OTOA: variants seen among roughly 807,000 people sequenced by gnomAD.
OTOA encodes otoancorin.
In OTOA, 70 loss-of-function variants were observed where a neutral mutation model predicts 110.8. That is an observed-to-expected ratio of 0.63 (90% CI 0.52 to 0.77). OTOA has a LOEUF of 0.77. Among genes scored for constraint, OTOA ranks in the 30% least tolerant of loss-of-function variants. The pLI is 0.00. For synonymous variants in OTOA, 373 were observed against 431.5 expected (o/e 0.86, Z 1.68); for missense variants, 917 against 1,075.8 (o/e 0.85, Z 2.06).
At chr16:21,681,944 A>G (rs1287582585) in intron 6 of OTOA, 119 bp downstream of exon 6, 12 of 924,212 alleles carry the variant, frequency 1.3e-5, no homozygotes, top group Non-Finnish European at 1.9e-5. Flanking sequence ...TTCTGCAAGG[A>G]AAAGGGTTCT....
chr16:21,682,186 C>A (rs997594906), intron 6 of OTOA, among the ~76,000 whole-genome samples: 6 of 152,150 alleles, frequency 3.9e-5, no homozygotes, highest in African/African-American at 1.4e-4. Flanking sequence ...TCCAAGGACC[C>A]AGGTTCCTTT....
chr16:21,695,382 A>G (rs1246449279), intron 9 of OTOA, among the ~76,000 whole-genome samples: 2 of 152,114 alleles, frequency 1.3e-5, no homozygotes, highest in African/African-American at 4.8e-5. Flanking sequence ...GAAGAAAAAA[A>G]AAAATCCCAA....
In OTOA at chr16:21,747,422, T is replaced by C. The variant is rs1240777778; in HGVS notation, c.2775+2386T>C. 336 of 104,608 alleles carry C rather than the reference T, an allele frequency of 3.2e-3. No individual in the cohort carries two copies. In the East Asian group the frequency reaches 0.062, roughly 19 times the overall value. 6.5% of individuals were successfully genotyped at this position (104,608 alleles called of 1,614,324 possible). ...TTGAAGAGGATATGAAAACCTAACATTTGCATGTATCATTTGTAGTCAGTT... is the reference window on the plus strand; with the variant it reads ...TTGAAGAGGATATGAAAACCTAACACTTGCATGTATCATTTGTAGTCAGTT... On this transcript the variant is annotated intron_variant, in intron 24 of 28. Coordinates refer to ENST00000646100, the MANE Select transcript of OTOA (RefSeq NM_144672.4).
At chr16:21,699,645 G>A (rs1036683875) in intron 10 of OTOA, among the ~76,000 whole-genome samples, 3 of 152,106 alleles carry the variant, frequency 2.0e-5, no homozygotes, top group South Asian at 2.1e-4. Flanking sequence ...TTGGCCGGGC[G>A]CAGTGGCTCA....
At chr16:21,698,535 TTTCTTC>T (rs760427431) in intron 10 of OTOA, among the ~76,000 whole-genome samples, 1 of 151,962 alleles carries the variant, frequency 6.6e-6, no homozygotes, top group Non-Finnish European at 1.5e-5. Flanking sequence ...GCTTCCAATT[TTTCTTC>T]TTCTTCTTCT....
intron 8 of OTOA, among the ~76,000 whole-genome samples, chr16:21,688,407 A>G (rs1377498805): frequency 6.6e-6 from 1 of 151,872 alleles, no homozygotes; most frequent in Admixed American, 6.6e-5. Context: ...AAACAAACAA[A>G]CAAAAAACAA....
intron 11 of OTOA, 43 bp downstream of exon 11, chr16:21,701,070 G>A: frequency 6.2e-7 from 1 of 1,613,476 alleles, no homozygotes; most frequent in Non-Finnish European, 8.5e-7. Flanking sequence ...TTCCCAAGAT[G>A]TGATCTAAGC....
intron 11 of OTOA, among the ~76,000 whole-genome samples, chr16:21,703,896 C>T (rs1472214441): frequency 6.6e-6 from 1 of 152,144 alleles, no homozygotes; most frequent in African/African-American, 2.4e-5. Flanking sequence ...CTTTCTTTCA[C>T]TCATGTTTAT....
intron 12 of OTOA, among the ~76,000 whole-genome samples, chr16:21,707,464 A>AT (rs1406697384): frequency 2.6e-5 from 4 of 151,648 alleles, no homozygotes; most frequent in Admixed American, 2.6e-4. Flanking sequence ...GTGGAAGACA[A>AT]TTTTTTTCCG....
intron 1 of OTOA, among the ~76,000 whole-genome samples, chr16:21,676,866 A>G (rs1966859049): frequency 6.6e-6 from 1 of 152,160 alleles, no homozygotes; most frequent in African/African-American, 2.4e-5. Context: ...AGGAGCAATT[A>G]TAGAGCTCAG....
In OTOA at chr16:21,697,893, A is replaced by C; in HGVS notation, c.840+18A>C. 6.3e-7 allele frequency: 1 copy of C among 1,582,648 alleles called. No homozygotes were observed. Among genetic ancestry groups the C allele is most frequent in the Non-Finnish European group, 8.7e-7 (1 of 1,151,516 alleles). On this transcript the variant is annotated intron_variant, in intron 10 of 28. Transcript: ENST00000646100. Reference sequence around the variant, plus strand: ...CTATAGAAGTAAGTTGGAAAAGTACATTTATATGTCACCATTACTAATACA... The same window carrying C: ...CTATAGAAGTAAGTTGGAAAAGTACCTTTATATGTCACCATTACTAATACA...
At chr16:21,729,608 A>G (rs566607756) in intron 20 of OTOA, 1 of 152,304 alleles carries the variant, frequency 6.6e-6, no homozygotes, top group African/African-American at 2.4e-5. Context: ...TGTATTCACC[A>G]TTATAGTATC....
chr16:21,684,355 G>A lies in OTOA; in HGVS notation c.268-875G>A, dbSNP rs543250192. The stretch of plus-strand genomic sequence containing the variant: ...TTAGAGAACAATTCCCCAGACAGCA[G>A]AGGAAATCTCTTTCAGGAGAGGCTG... On this transcript the variant is annotated intron_variant, in intron 6 of 28. Coordinates refer to ENST00000646100, the MANE Select transcript of OTOA (RefSeq NM_144672.4). 6.4e-6 allele frequency: 9 copies of A among 1,398,296 alleles called. No individual in the cohort carries two copies. In the African/African-American group the frequency reaches 8.6e-5, roughly 13 times the overall value. 86.6% of individuals were successfully genotyped at this position (1,398,296 alleles called of 1,614,324 possible).
chr16:21,702,108 C>G (rs576472787), intron 11 of OTOA, among the ~76,000 whole-genome samples: 1 of 152,122 alleles, frequency 6.6e-6, no homozygotes, highest in African/African-American at 2.4e-5. Context: ...TGCCACCACA[C>G]CCAGCTAATT....
chr16:21,711,842 G>A (rs1014920268), intron 13 of OTOA, among the ~76,000 whole-genome samples: 2 of 152,086 alleles, frequency 1.3e-5, no homozygotes, highest in African/African-American at 4.8e-5. Flanking sequence ...GATTGGATTA[G>A]GACCCATTCC....
intron 11 of OTOA, among the ~76,000 whole-genome samples, chr16:21,701,942 A>AAT (rs1898061699): frequency 7.9e-6 from 1 of 126,442 alleles, no homozygotes; most frequent in African/African-American, 3.1e-5. Flanking sequence ...TGGCCCATTC[A>AAT]ATCCTGTTTT....
Position 21,687,667 on chromosome 16 carries a change from CTTTT to C in OTOA, c.635+34_635+37del, listed in dbSNP as rs397855951. 423 of 1,331,054 alleles carry C rather than the reference CTTTT, an allele frequency of 3.2e-4. No individual in the cohort carries two copies. The highest frequency in any genetic ancestry group is 3.7e-4 in the Non-Finnish European group (356 of 971,532). 82.5% of individuals were successfully genotyped at this position (1,331,054 alleles called of 1,614,324 possible). On this transcript the variant is annotated intron_variant, in intron 8 of 28. Coordinates refer to ENST00000646100, the MANE Select transcript of OTOA (RefSeq NM_144672.4). The stretch of plus-strand genomic sequence containing the variant: ...AGAACCTGTGAGTGGTTCCTCCGAA[CTTTT>C]TTTTTTTTTTTTTTGAGATGGAGTT...
At chr16:21,726,715 GAGCCCTGTGAGGGATCTGGCT>G in intron 19 of OTOA, 57 bp downstream of exon 19, 1 of 1,606,306 alleles carries the variant, frequency 6.2e-7, no homozygotes, top group Non-Finnish European at 8.5e-7. Context: ...CCATCTTGGG[GAGCCCTGTGAGGGATCTGGCT>G]AGGATCTTGA....
chr16:21,708,423 C>T, intron 12 of OTOA, among the ~76,000 whole-genome samples: 1 of 152,052 alleles, frequency 6.6e-6, no homozygotes, highest in Admixed American at 6.6e-5. Context: ...GGCCAGGGTC[C>T]CGGTGGTCCC....
Sources: gnomAD v4.1 joint callset for allele counts (sites outside exome capture counted in the v4.1 genomes callset) on GRCh38, gnomAD v4.1.1 for gene constraint, MANE v1.5 for transcripts, NCBI Gene and HGNC (gene_info 2026-07-23, HGNC 2026-07-21) for gene names.